THSD4: variants seen among roughly 807,000 people sequenced by gnomAD.
The protein encoded by THSD4 is thrombospondin type-1 domain-containing protein 4.
THSD4 carries 69 observed loss-of-function variants against 119.0 expected under a neutral mutation model. The observed-to-expected ratio is 0.58, with a 90% CI of 0.48 to 0.71. The LOEUF is 0.71. Ranked by LOEUF, THSD4 falls within the 30% of genes least tolerant of loss-of-function variation. THSD4 has a pLI of 0.00. For synonymous variants in THSD4, 524 were observed against 540.4 expected, an observed-to-expected ratio of 0.97 and a Z score of 0.42; for missense variants, 1,393 against 1,391.1, an observed-to-expected ratio of 1.00 and a Z score of -0.02.
chr15:71,556,671 G>A (rs1488119889), intron 7 of THSD4, among the ~76,000 whole-genome samples: 1 of 151,904 alleles, frequency 6.6e-6, no homozygotes, highest in African/African-American at 2.4e-5. Context: ...GGCTAGGGTG[G>A]GAGGATTACC....
chr15:71,712,695 C>T (rs543567909), intron 8 of THSD4, among the ~76,000 whole-genome samples: 1 of 152,304 alleles, frequency 6.6e-6, no homozygotes, highest in African/African-American at 2.4e-5. Context: ...AACTATTCCT[C>T]AACTAAGGAA....
At chr15:71,699,878 T>C (rs2052249386) in intron 8 of THSD4, among the ~76,000 whole-genome samples, 1 of 152,200 alleles carries the variant, frequency 6.6e-6, no homozygotes, top group Admixed American at 6.5e-5. Flanking sequence ...AAAAATATCA[T>C]CTTAATTGAT....
chr15:71,266,402 G>A (rs2044466000), intron 6 of THSD4, among the ~76,000 whole-genome samples: 1 of 152,074 alleles, frequency 6.6e-6, no homozygotes, highest in East Asian at 1.9e-4. Context: ...CAAACAGAAA[G>A]GAATAGCATC....
chr15:71,409,321 G>T (rs4537971), intron 6 of THSD4, among the ~76,000 whole-genome samples: 41,892 of 151,908 alleles, frequency 0.28, 6,789 homozygotes, highest in East Asian at 0.55. Context: ...ACAAACACTT[G>T]GATTACTTAC....
At chr15:71,326,505 C>T (rs531019869) in intron 6 of THSD4, among the ~76,000 whole-genome samples, 80 of 148,260 alleles carry the variant, frequency 5.4e-4, no homozygotes, top group African/African-American at 1.8e-3. Flanking sequence ...GGTGAAACCC[C>T]GTCTCTACTA....
At chr15:71,282,102 T>C (rs1004762109) in intron 6 of THSD4, among the ~76,000 whole-genome samples, 4 of 152,254 alleles carry the variant, frequency 2.6e-5, no homozygotes, top group African/African-American at 9.6e-5. Context: ...CTATTATTAC[T>C]ATTTACTGTT....
Position 71,164,485 on chromosome 15 carries a change from A to G in THSD4, c.99+9553A>G, listed in dbSNP as rs1454021624. On this transcript the variant is annotated intron_variant, in intron 3 of 17. Coordinates refer to ENST00000261862, the MANE Select transcript of THSD4 (RefSeq NM_024817.3). Reference sequence around the variant, plus strand: ...AAAACTACCATCCCCATATATAACTAATTTGTGCTGTGCACCAACAAGAAC... The same window carrying G: ...AAAACTACCATCCCCATATATAACTGATTTGTGCTGTGCACCAACAAGAAC... Among the ~76,000 whole-genome samples, 3 of 151,636 alleles carry G rather than the reference A, an allele frequency of 2.0e-5. No individual in the cohort carries two copies. In the East Asian group the frequency reaches 5.9e-4, roughly 30 times the overall value.
intron 3 of THSD4, among the ~76,000 whole-genome samples, chr15:71,180,093 G>A (rs2043495567): frequency 7.4e-6 from 1 of 134,998 alleles, no homozygotes; most frequent in Non-Finnish European, 1.6e-5. Context: ...GTATACATAT[G>A]TAACTAACCT....
chr15:71,394,248 T>C (rs1457348729), intron 6 of THSD4, among the ~76,000 whole-genome samples: 1 of 151,378 alleles, frequency 6.6e-6, no homozygotes, highest in Non-Finnish European at 1.5e-5. Flanking sequence ...ATACACTCTG[T>C]TGTCCAAACA....
chr15:71,656,303 A>G (rs371347133), intron 7 of THSD4, among the ~76,000 whole-genome samples: 1 of 152,290 alleles, frequency 6.6e-6, no homozygotes, highest in African/African-American at 2.4e-5. Context: ...TCGTTAGGGA[A>G]AGCTGGGTGA....
chr15:71,216,240 C>G (rs1441628804), intron 4 of THSD4, among the ~76,000 whole-genome samples: 1 of 152,238 alleles, frequency 6.6e-6, no homozygotes, highest in Non-Finnish European at 1.5e-5. Flanking sequence ...AAGATGTGCT[C>G]TCTTTGCTTA....
chr15:71,199,763 TGTGGTGTGTGTGGTGTGTGG>T (rs2043771330), intron 3 of THSD4, among the ~76,000 whole-genome samples: 1 of 146,904 alleles, frequency 6.8e-6, no homozygotes, highest in African/African-American at 2.6e-5. Flanking sequence ...GTGTGATGTG[TGTGGTGTGTGTGGTGTGTGG>T]GTGTGTGCTG....
In THSD4 at chr15:71,771,108, G is replaced by C; in HGVS notation, c.2814G>C (p.Arg938=). Residue 938 remains arginine (R), a synonymous_variant, in exon 17 of 18, where the codon CGG becomes CGC. Coordinates refer to ENST00000261862, the MANE Select transcript of THSD4 (RefSeq NM_024817.3). Reference sequence around the variant, plus strand: ...GTGGCTTTCGGGTCCGGGAAGTGCGGTGTCTGTCTGATGACATGACTCTAA... The same window carrying C: ...GTGGCTTTCGGGTCCGGGAAGTGCGCTGTCTGTCTGATGACATGACTCTAA... The part of the protein sequence containing the change: ...CQGGFRVREV[R]CLSDDMTLSN... 6.2e-7 allele frequency: 1 copy of C among 1,614,220 alleles called. No individual in the cohort carries two copies. The highest frequency in any genetic ancestry group is 2.2e-5 in the East Asian group (1 of 44,890).
intron 7 of THSD4, among the ~76,000 whole-genome samples, chr15:71,613,632 AT>A (rs1278352965): frequency 2.6e-5 from 4 of 152,014 alleles, no homozygotes; most frequent in Non-Finnish European, 4.4e-5. Context: ...CTACATCTTC[AT>A]TTTTTTCCTC....
chr15:71,386,804 G>A (rs548956367), intron 6 of THSD4, among the ~76,000 whole-genome samples: 1 of 152,288 alleles, frequency 6.6e-6, no homozygotes, highest in East Asian at 1.9e-4. Flanking sequence ...TGTTACCTGA[G>A]TTCCTAATTC....
chr15:71,151,032 A>C (rs1027431199), intron 2 of THSD4, among the ~76,000 whole-genome samples: 4 of 152,268 alleles, frequency 2.6e-5, no homozygotes, highest in Non-Finnish European at 4.4e-5. Flanking sequence ...ATAAAGACAT[A>C]GTATGTGAGA....
intron 7 of THSD4, among the ~76,000 whole-genome samples, chr15:71,458,531 A>T (rs1347355514): frequency 6.6e-6 from 1 of 152,232 alleles, no homozygotes; most frequent in Non-Finnish European, 1.5e-5. Flanking sequence ...ACCTGGTAAG[A>T]ACTCAATAAA....
intron 7 of THSD4, among the ~76,000 whole-genome samples, chr15:71,495,352 G>A (rs532537908): frequency 1.3e-5 from 2 of 152,204 alleles, no homozygotes; most frequent in African/African-American, 4.8e-5. Context: ...AGTAGACAGT[G>A]GCCCCTCTCA....
intron 6 of THSD4, among the ~76,000 whole-genome samples, chr15:71,298,608 C>CTTTTTTTTTTTTTT (rs60709646): frequency 1.1e-5 from 1 of 90,274 alleles, no homozygotes. Flanking sequence ...TATGTGCTGA[C>CTTTTTTTTTTTTTT]TTTTTTTTTT....
Sources: allele counts gnomAD v4.1 joint callset (sites outside exome capture counted in the v4.1 genomes callset), GRCh38; gene constraint gnomAD v4.1.1; transcripts MANE v1.5; gene names NCBI Gene and HGNC (gene_info 2026-07-23, HGNC 2026-07-21).